The following WDPCP variants were observed in gnomAD, a reference collection of about 807,000 sequenced individuals.
WDPCP encodes WD repeat containing planar cell polarity effector.
In WDPCP, 71 loss-of-function variants were observed where a neutral mutation model predicts 93.1. The ratio of observed to expected loss-of-function variants is 0.76; its 90% CI spans 0.63 to 0.93. The LOEUF (loss-of-function observed/expected upper bound fraction) is 0.93. WDPCP is among the 40% of genes least tolerant of loss of function. The pLI is 0.00. For synonymous variants in WDPCP, 315 were observed against 315.0 expected, an observed-to-expected ratio of 1.00 and a Z score of 0.00; for missense variants, 844 against 887.4, an observed-to-expected ratio of 0.95 and a Z score of 0.62.
chr2:63,721,410 T>G (rs1230460941), intron 2 of WDPCP, among the ~76,000 whole-genome samples: 1 of 152,188 alleles, frequency 6.6e-6, no homozygotes, highest in Admixed American at 6.5e-5. Context: ...GGCCCAAGCC[T>G]GATGCCCCAA....
At chr2:63,635,007 G>T (rs1236730139) in intron 3 of WDPCP, among the ~76,000 whole-genome samples, 1 of 151,930 alleles carries the variant, frequency 6.6e-6, no homozygotes, top group Non-Finnish European at 1.5e-5. Flanking sequence ...GAAAAACAGA[G>T]AAGACTTGAA....
intron 3 of WDPCP, among the ~76,000 whole-genome samples, chr2:63,623,752 C>G (rs555090511): frequency 6.6e-6 from 1 of 152,108 alleles, no homozygotes; most frequent in African/African-American, 2.4e-5. Context: ...TCTTTAACAC[C>G]CCACTGTCAA....
chr2:63,601,046 T>G (rs1709408411), intron 3 of WDPCP, among the ~76,000 whole-genome samples: 1 of 152,224 alleles, frequency 6.6e-6, no homozygotes, highest in African/African-American at 2.4e-5. Context: ...CAGTTCTCAC[T>G]GCAGGGCTCA....
At chr2:63,548,318 ACAGT>A (rs549058617) in intron 1 of WDPCP, among the ~76,000 whole-genome samples, 318 of 152,292 alleles carry the variant, frequency 2.1e-3, no homozygotes, top group South Asian at 3.3e-3. Flanking sequence ...ATTTCTAAAG[ACAGT>A]CAGTTTATAA....
At chr2:63,216,558 G>A (rs939824822) in intron 14 of WDPCP, among the ~76,000 whole-genome samples, 19 of 152,068 alleles carry the variant, frequency 1.2e-4, no homozygotes, top group East Asian at 7.7e-4. Flanking sequence ...AGGGCCTGTC[G>A]TGGTATTGGG....
chr2:63,206,669 G>A (rs936593308), intron 14 of WDPCP, among the ~76,000 whole-genome samples: 3 of 152,034 alleles, frequency 2.0e-5, no homozygotes, highest in African/African-American at 7.2e-5. Context: ...CGCAGGCTGG[G>A]CTCAAGTGAT....
At position 63,763,935 on chromosome 2, in the gene WDPCP, ATTCCTGGACTT is replaced by A. The variant is rs528024841; in HGVS notation, n.308+49676_308+49686del. Among the ~76,000 whole-genome samples the A allele has an allele frequency of 2.1e-3, 321 of 152,296 alleles. 4 individuals are homozygous for A. Among genetic ancestry groups the A allele is most frequent in the Admixed American group, 0.016 (239 of 15,294 alleles). On this transcript the variant is annotated intron_variant and non_coding_transcript_variant, in intron 2 of 4. Coordinates refer to the WDPCP transcript ENST00000467687. ...ATGACCTCAGTGATGACTGACTAAA[ATTCCTGGACTT>A]TTCCTGGACTTTTCTTGTGAGAGGA... is the stretch of plus-strand genomic sequence containing the variant.
At chr2:63,379,000 C>T (rs979777056) in intron 11 of WDPCP, among the ~76,000 whole-genome samples, 6 of 152,010 alleles carry the variant, frequency 3.9e-5, no homozygotes, top group Non-Finnish European at 7.4e-5. Context: ...TTTAAGACAA[C>T]CGTGAAAGTC....
intron 17 of WDPCP, among the ~76,000 whole-genome samples, chr2:63,131,364 A>G (rs1670281219): frequency 6.7e-6 from 1 of 149,922 alleles, no homozygotes; most frequent in Non-Finnish European, 1.5e-5. Flanking sequence ...CTATATAGAT[A>G]TTTTTCTTGG....
At chr2:63,426,674 G>C (rs748267040) in intron 9 of WDPCP, among the ~76,000 whole-genome samples, 1 of 152,106 alleles carries the variant, frequency 6.6e-6, no homozygotes, top group Non-Finnish European at 1.5e-5. Context: ...AAAACAACCA[G>C]CTAGTAACAC....
chr2:63,815,648 T>G (rs1186353578), intron 1 of WDPCP, among the ~76,000 whole-genome samples: 1 of 152,182 alleles, frequency 6.6e-6, no homozygotes, highest in Non-Finnish European at 1.5e-5. Context: ...ACCAGTAGTA[T>G]AGTTGGCCTA....
intron 1 of WDPCP, among the ~76,000 whole-genome samples, chr2:63,517,633 G>C (rs902038251): frequency 7.2e-5 from 11 of 152,086 alleles, no homozygotes; most frequent in South Asian, 2.1e-4. Context: ...AATATGAATA[G>C]TTCCCTAAGG....
At chr2:63,488,112 T>C (rs1343511663) in intron 2 of WDPCP, among the ~76,000 whole-genome samples, 1 of 152,116 alleles carries the variant, frequency 6.6e-6, no homozygotes, top group Non-Finnish European at 1.5e-5. Flanking sequence ...AAGATTCATT[T>C]AACCAAGGAA....
chr2:63,433,808 G>A lies in WDPCP; in HGVS notation c.762C>T (p.Pro254=). The change falls in exon 9 of 18, where the codon CCC becomes CCT. Residue 254 remains proline, a synonymous_variant. Coordinates refer to ENST00000272321, the MANE Select transcript of WDPCP (RefSeq NM_015910.7). ...LVNDDAWPWA[P]ISSEKDRANL... ...TGGCTCTGTCCTTCTCAGAAGAAAT[G>A]GGGGCCCAAGGCCAAGCATCATCGT... is the stretch of plus-strand genomic sequence containing the variant. The A allele has an allele frequency of 6.2e-7, 1 of 1,612,264 alleles. No homozygotes were observed. The highest frequency in any genetic ancestry group is 8.5e-7 in the Non-Finnish European group (1 of 1,178,444).
At chr2:63,127,990 T>C (rs1193035938) in intron 17 of WDPCP, among the ~76,000 whole-genome samples, 1 of 151,792 alleles carries the variant, frequency 6.6e-6, no homozygotes, top group Non-Finnish European at 1.5e-5. Flanking sequence ...AATAAACAAA[T>C]TAGCCGGGTG....
At chr2:63,431,769 A>C (rs1262811336) in intron 9 of WDPCP, among the ~76,000 whole-genome samples, 1 of 152,146 alleles carries the variant, frequency 6.6e-6, no homozygotes, top group Non-Finnish European at 1.5e-5. Flanking sequence ...TCTAAAAAAG[A>C]AATCTTTACA....
At chr2:63,793,555 G>A (rs986569300) in intron 2 of WDPCP, among the ~76,000 whole-genome samples, 3 of 152,132 alleles carry the variant, frequency 2.0e-5, no homozygotes, top group South Asian at 2.1e-4. Context: ...AGATTATAGT[G>A]AGCTATGATT....
intron 2 of WDPCP, among the ~76,000 whole-genome samples, chr2:63,768,951 T>C (rs1670186050): frequency 6.6e-6 from 1 of 151,998 alleles, no homozygotes. Context: ...GTGGGATTCA[T>C]TCACTAAACA....
chr2:63,146,400 G>A (rs1671503568), intron 17 of WDPCP, among the ~76,000 whole-genome samples: 1 of 141,690 alleles, frequency 7.1e-6, no homozygotes, highest in Non-Finnish European at 1.5e-5. Flanking sequence ...AGTTTATTGA[G>A]AGCGTGTTTT....
Sources: allele counts gnomAD v4.1 joint callset (sites outside exome capture counted in the v4.1 genomes callset), GRCh38; gene constraint gnomAD v4.1.1; transcripts MANE v1.5; gene names NCBI Gene and HGNC (gene_info 2026-07-23, HGNC 2026-07-21).